Variants in PCLO observed in about 807,000 individuals in gnomAD.
PCLO encodes piccolo presynaptic cytomatrix protein.
PCLO carries 82 observed loss-of-function variants against 427.5 expected under a neutral mutation model. The observed-to-expected ratio is 0.19, with a 90% confidence interval of 0.16 to 0.23. PCLO has a LOEUF of 0.23. Ranked by LOEUF, PCLO falls within the 10% of genes least tolerant of loss-of-function variation. PCLO has a pLI of 1.00. For synonymous variants in PCLO, 2,357 were observed against 2,155.4 expected (o/e 1.09, Z -2.59); for missense variants, 6,239 against 6,115.9 (o/e 1.02, Z -0.67).
intron 3 of PCLO, among the ~76,000 whole-genome samples, chr7:83,015,875 G>GT (rs1476701485): frequency 6.6e-6 from 1 of 152,072 alleles, no homozygotes; most frequent in Admixed American, 6.6e-5. Context: ...AAGAACATAT[G>GT]TTTTTTGCAT....
chr7:82,996,909 C>T (rs1562906883), intron 3 of PCLO, among the ~76,000 whole-genome samples: 1 of 151,842 alleles, frequency 6.6e-6, no homozygotes, highest in African/African-American at 2.4e-5. Context: ...TTTAGTGGAC[C>T]TAAAAATTCT....
chr7:83,144,992 T>C (rs1791957946), intron 2 of PCLO, among the ~76,000 whole-genome samples: 1 of 152,168 alleles, frequency 6.6e-6, no homozygotes, highest in African/African-American at 2.4e-5. Context: ...GATTTTTTTA[T>C]TAGAGAGAGA....
intron 3 of PCLO, among the ~76,000 whole-genome samples, chr7:83,074,111 A>C (rs551727648): frequency 1.3e-5 from 2 of 152,172 alleles, no homozygotes; most frequent in Non-Finnish European, 2.9e-5. Context: ...AACCATAAGG[A>C]ATTTCAAGAC....
intron 16 of PCLO, among the ~76,000 whole-genome samples, chr7:82,832,443 C>T (rs1042425885): frequency 5.3e-5 from 8 of 151,804 alleles, no homozygotes; most frequent in African/African-American, 1.7e-4. Flanking sequence ...TTAGTAGAGA[C>T]GGGGTTTCAC....
At chr7:82,889,925 A>G (rs1006518983) in intron 9 of PCLO, among the ~76,000 whole-genome samples, 1 of 152,068 alleles carries the variant, frequency 6.6e-6, no homozygotes, top group Non-Finnish European at 1.5e-5. Flanking sequence ...GTGTGTAAAA[A>G]ACGCAAGAAG....
rs367943305 is a variant in PCLO, at chr7:82,864,736, A to C, written c.13654+14601T>G. ...CCTCTATTTTGACAATGGAGACACTAGTGAATGACAATTTGCTGAATGAAT... is the reference window on the plus strand; with the variant it reads ...CCTCTATTTTGACAATGGAGACACTCGTGAATGACAATTTGCTGAATGAAT... On this transcript the variant is annotated intron_variant, in intron 10 of 24. Transcript: ENST00000333891. Among the ~76,000 whole-genome samples, 16 of 152,182 alleles carry C rather than the reference A, an allele frequency of 1.1e-4. No homozygotes were observed. The East Asian group carries it at 1.7e-3, about 16-fold the overall frequency.
At chr7:82,862,933 G>A (rs186706761) in intron 10 of PCLO, among the ~76,000 whole-genome samples, 2 of 151,900 alleles carry the variant, frequency 1.3e-5, no homozygotes, top group East Asian at 1.9e-4. Context: ...CCTGCTATTC[G>A]ATGGCACAAT....
At chr7:83,066,123 C>T (rs1457530136) in intron 3 of PCLO, among the ~76,000 whole-genome samples, 3 of 152,118 alleles carry the variant, frequency 2.0e-5, no homozygotes, top group Non-Finnish European at 4.4e-5. Context: ...CTAGTTCTTA[C>T]ATATGCTTTT....
At chr7:83,059,848 T>C (rs553619911) in intron 3 of PCLO, among the ~76,000 whole-genome samples, 2 of 152,208 alleles carry the variant, frequency 1.3e-5, no homozygotes, top group South Asian at 4.1e-4. Flanking sequence ...TGTAATAACA[T>C]GAAAGGAATT....
intron 3 of PCLO, among the ~76,000 whole-genome samples, chr7:83,044,714 T>C (rs1288923391): frequency 1.3e-5 from 2 of 152,136 alleles, no homozygotes; most frequent in African/African-American, 4.8e-5. Context: ...GAACACTAAA[T>C]TGCATACTTT....
At chr7:82,799,320 A>G (rs10225534) in intron 22 of PCLO, among the ~76,000 whole-genome samples, 52,935 of 152,094 alleles carry the variant, frequency 0.35, 9,634 homozygotes, top group African/African-American at 0.42. Context: ...GTGCTGGGAT[A>G]CCAAGAGGAA....
rs2522833 is a variant in PCLO at position 82,824,392 on chromosome 7, A to C, written c.14440T>G (p.Ser4814Ala). Residue 4814 changes from serine to alanine, a missense_variant, in exon 19 of 25, where the codon TCT (serine) becomes GCT (alanine). By Grantham distance (99) the Ser-to-Ala change is moderately conservative. Coordinates refer to ENST00000333891, the MANE Select transcript of PCLO (RefSeq NM_033026.6). ...GEVLIDLSST[S>A]HLDNTPRWYP... The stretch of plus-strand genomic sequence containing the variant: ...CACCTTGGAGTGTTATCGAGGTGAG[A>C]TGTGCTAGATAAATCAATCAATACC... The C allele has an allele frequency of 0.43, 692,735 of 1,603,872 alleles. 157,455 individuals are homozygous for C. Among genetic ancestry groups the C allele is most frequent in the East Asian group, 0.66 (29,413 of 44,732 alleles).
intron 3 of PCLO, among the ~76,000 whole-genome samples, chr7:83,039,837 T>C (rs968704533): frequency 1.3e-5 from 2 of 152,158 alleles, no homozygotes; most frequent in East Asian, 1.9e-4. Flanking sequence ...CATGGGATGT[T>C]GTCTTTCAGT....
rs1163506149 is a variant in PCLO, at chr7:82,951,016, A to G, written c.9572T>C (p.Phe3191Ser). The change falls in exon 6 of 25, where the codon TTT becomes TCT. Residue 3191 changes from phenylalanine to serine, a missense_variant. This residue lies in a region of PCLO where 4,677 missense variants were observed against 4,468.4 expected (regional missense o/e 1.05). Transcript: ENST00000333891. ...ACTTTCATCTCCCACCACTTCAGGA[A>G]ACACTTCGGATGCTGTGGTTAAAGT... ...VPTLTTASEV[F>S]PEVVGDESAL... 6.2e-7 allele frequency: 1 copy of G among 1,613,856 alleles called. No homozygotes were observed. The highest frequency in any genetic ancestry group is 8.5e-7 in the Non-Finnish European group (1 of 1,179,826).
At position 82,758,720 on chromosome 7, in the gene PCLO, A is replaced by G; in HGVS notation, c.15289-5T>C. ...TCCATTGGAGAAAAGTAAAATCTAG[A>G]AAAAATAGGCAAAAATAAACATATT... is the stretch of plus-strand genomic sequence containing the variant. On this transcript the variant is annotated splice_region_variant and splice_polypyrimidine_tract_variant and intron_variant, in intron 24 of 24. Transcript: ENST00000333891. 6.4e-7 allele frequency: 1 copy of G among 1,554,810 alleles called. No individual in the cohort carries two copies. Among genetic ancestry groups the G allele is most frequent in the African/African-American group, 1.4e-5 (1 of 73,110 alleles).
intron 3 of PCLO, among the ~76,000 whole-genome samples, chr7:83,059,227 C>T (rs1019011154): frequency 1.3e-5 from 2 of 148,736 alleles, no homozygotes; most frequent in African/African-American, 4.9e-5. Context: ...GTGGAACATA[C>T]GGTGCACCGA....
At chr7:82,863,829 T>G (rs912559086) in intron 10 of PCLO, among the ~76,000 whole-genome samples, 1 of 152,052 alleles carries the variant, frequency 6.6e-6, no homozygotes, top group African/African-American at 2.4e-5. Flanking sequence ...TGATTGGTGG[T>G]TATTTCAGTT....
At chr7:83,054,770 A>G (rs1303187528) in intron 3 of PCLO, among the ~76,000 whole-genome samples, 1 of 152,030 alleles carries the variant, frequency 6.6e-6, no homozygotes, top group African/African-American at 2.4e-5. Flanking sequence ...ATTAAGGCAG[A>G]AGCATTGCCA....
At chr7:83,086,052 C>G (rs905153574) in intron 3 of PCLO, among the ~76,000 whole-genome samples, 1 of 152,080 alleles carries the variant, frequency 6.6e-6, no homozygotes, top group African/African-American at 2.4e-5. Flanking sequence ...TAACAGGTGT[C>G]AAGGCGCACT....
Sources: gnomAD v4.1 joint callset for allele counts (sites outside exome capture counted in the v4.1 genomes callset) on GRCh38, gnomAD v4.1.1 for gene constraint, gnomAD v4.1.1 regional missense constraint, MANE v1.5 for transcripts, NCBI Gene and HGNC (gene_info 2026-07-23, HGNC 2026-07-21) for gene names.